Variants in HK1 observed in about 807,000 individuals in gnomAD.
HK1 encodes the protein hexokinase-1.
Under a neutral mutation model 91.6 loss-of-function variants are expected in HK1, and 28 were observed. The ratio of observed to expected loss-of-function variants is 0.31; its 90% CI spans 0.23 to 0.42. HK1 has a LOEUF of 0.42. Among genes scored for constraint, HK1 ranks in the 10% least tolerant of loss-of-function variants. The probability of loss-of-function intolerance (pLI) is 1.00; values close to 1 mark genes in which losing one functional copy is unlikely to be tolerated. For missense variants in HK1, 770 were observed against 1,219.8 expected (o/e 0.63, Z 5.49); for synonymous variants, 430 against 468.1 (o/e 0.92, Z 1.05).
chr10:69,355,538 C>T (rs904856452), intron 2 of HK1, among the ~76,000 whole-genome samples: 4 of 152,110 alleles, frequency 2.6e-5, no homozygotes, highest in African/African-American at 9.7e-5. Context: ...GCCTGTAATC[C>T]TAGCACTTTG....
Position 69,319,190 on chromosome 10 carries a change from G to C in HK1, c.63+180G>C, listed in dbSNP as rs1038016951. The C allele has an allele frequency of 2.9e-5, 22 of 745,810 alleles. 1 individual carries two copies. Among genetic ancestry groups the C allele is most frequent in the African/African-American group, 2.5e-4 (14 of 56,824 alleles). 46.2% of individuals were successfully genotyped at this position (745,810 alleles called of 1,614,324 possible). On this transcript the variant is annotated intron_variant, in intron 1 of 17. Coordinates refer to ENST00000359426, the MANE Select transcript of HK1 (RefSeq NM_000188.3). ...TTCTACCGGCATTGTCAGTGTCTCT[G>C]TGTGTGTGCGTTTTTGGGAGGGGGG... is the stretch of plus-strand genomic sequence containing the variant.
chr10:69,369,326 C>T lies in HK1; in HGVS notation c.681C>T (p.Gly227=). ...CGYDDQHCEV[G]LIIGTGTNAC... Reference sequence around the variant, plus strand: ...ATGACGACCAGCACTGTGAAGTCGGCCTGATCATCGGTAATGCATTCCCCT... The same window carrying T: ...ATGACGACCAGCACTGTGAAGTCGGTCTGATCATCGGTAATGCATTCCCCT... The change falls in exon 6 of 18, where the codon GGC becomes GGT. Residue 227 remains glycine, a synonymous_variant. Transcript: ENST00000359426. This position sits in a 1 kb window ranked among gnomAD's most constrained non-coding sequence, Gnocchi z 4.4. 1 of 1,614,072 alleles carries T rather than the reference C, an allele frequency of 6.2e-7. No individual in the cohort carries two copies. Among genetic ancestry groups the T allele is most frequent in the Non-Finnish European group, 8.5e-7 (1 of 1,179,912 alleles).
rs551445568 is a variant in HK1 at position 69,399,021 on chromosome 10, G to C, written c.2609+193G>C. Among the ~76,000 whole-genome samples, 2 of 152,298 alleles carry C rather than the reference G, an allele frequency of 1.3e-5. 1 individual carries two copies. The highest frequency in any genetic ancestry group is 4.8e-5 in the African/African-American group (2 of 41,554). Reference sequence around the variant, plus strand: ...TGTAGGGTTTGACTGGGATCCTTAGGGAGACAGAGAAGTGGCTTCACTTGG... The same window carrying C: ...TGTAGGGTTTGACTGGGATCCTTAGCGAGACAGAGAAGTGGCTTCACTTGG... On this transcript the variant is annotated intron_variant, in intron 17 of 17. Transcript: ENST00000359426.
At chr10:69,338,701 G>A in intron 1 of HK1, 1 of 1,172,000 alleles carries the variant, frequency 8.5e-7, no homozygotes, top group South Asian at 1.4e-5. Flanking sequence ...GTGTGTGTGT[G>A]TGTGTGTGTA....
At chr10:69,382,431 G>T in intron 9 of HK1, 56 bp from the exon 10 acceptor site, 2 of 1,555,292 alleles carry the variant, frequency 1.3e-6, no homozygotes, top group Non-Finnish European at 1.8e-6. Context: ...GTGGCCGGAG[G>T]TCCCCAATAA....
intron 1 of HK1, among the ~76,000 whole-genome samples, chr10:69,276,395 A>G (rs1844475852): frequency 6.6e-6 from 1 of 151,954 alleles, no homozygotes; most frequent in Non-Finnish European, 1.5e-5. Context: ...ACAGTGGTTC[A>G]TGCCTGTAAT....
chr10:69,282,919 C>T (rs1844818356), intron 2 of HK1, among the ~76,000 whole-genome samples: 1 of 150,578 alleles, frequency 6.6e-6, no homozygotes, highest in African/African-American at 2.4e-5. Context: ...GAGTTTGAGA[C>T]CAGCCTGGCC....
chr10:69,351,820 T>C (rs1848891014), intron 2 of HK1, among the ~76,000 whole-genome samples: 1 of 152,178 alleles, frequency 6.6e-6, no homozygotes, highest in Admixed American at 6.5e-5. Context: ...CAGTACTGAC[T>C]TCATAGGGTT....
chr10:69,362,528 G>C (rs1448357406), intron 3 of HK1, among the ~76,000 whole-genome samples: 1 of 152,018 alleles, frequency 6.6e-6, no homozygotes, highest in African/African-American at 2.4e-5. Context: ...TCTAGCCTGG[G>C]GCGGGTCACT....
At chr10:69,273,696 A>AT (rs931482922) in intron 1 of HK1, among the ~76,000 whole-genome samples, 8 of 152,166 alleles carry the variant, frequency 5.3e-5, no homozygotes, top group Non-Finnish European at 7.4e-5. Context: ...TCAGTGACAG[A>AT]TTTTTTTTCT....
At chr10:69,340,100 T>G (rs1848214802) in intron 1 of HK1, among the ~76,000 whole-genome samples, 1 of 152,236 alleles carries the variant, frequency 6.6e-6, no homozygotes, top group Non-Finnish European at 1.5e-5. Context: ...CAAAGGTCTA[T>G]TCAATATGTT....
intron 2 of HK1, among the ~76,000 whole-genome samples, chr10:69,349,748 G>T (rs541920919): frequency 2.6e-5 from 4 of 152,324 alleles, no homozygotes; most frequent in East Asian, 3.9e-4. Flanking sequence ...CGAGGTAAAA[G>T]GGACTGATAG....
At position 69,401,680 on chromosome 10, in the gene HK1, G is replaced by T. The variant is rs1840399472; in HGVS notation, c.*545G>T. The T allele has an allele frequency of 3.3e-6, 1 of 307,196 alleles. No homozygotes were observed. The allele number at this position is 307,196 out of a possible 1,614,324, so 19.0% of individuals were successfully genotyped here. On this transcript the variant is annotated 3_prime_UTR_variant, in exon 18 of 18. Transcript: ENST00000359426. Reference sequence around the variant, plus strand: ...CGTGGTGTGTCAATGCCACAAAATCGTGTGTCCGTGGAACCAGTCCTAGCC... The same window carrying T: ...CGTGGTGTGTCAATGCCACAAAATCTTGTGTCCGTGGAACCAGTCCTAGCC...
intron 3 of HK1, among the ~76,000 whole-genome samples, chr10:69,364,454 A>C (rs913003507): frequency 2.0e-5 from 3 of 152,020 alleles, no homozygotes; most frequent in African/African-American, 7.3e-5. Context: ...TGTGTTATGA[A>C]GGCATAGCTG....
intron 2 of HK1, among the ~76,000 whole-genome samples, chr10:69,283,290 TAA>T (rs541841675): frequency 1.2e-4 from 16 of 135,618 alleles, no homozygotes; most frequent in African/African-American, 3.0e-4. Flanking sequence ...CTACCAAAAT[TAA>T]AAAAAAAAAA....
intron 2 of HK1, among the ~76,000 whole-genome samples, chr10:69,284,895 C>T (rs763482574): frequency 1.8e-4 from 27 of 152,120 alleles, no homozygotes; most frequent in Non-Finnish European, 3.2e-4. Context: ...TGGCTCACTG[C>T]AAGCTCTGCC....
chr10:69,297,950 C>A (rs1480247044), intron 4 of HK1, among the ~76,000 whole-genome samples: 1 of 150,690 alleles, frequency 6.6e-6, no homozygotes, highest in Non-Finnish European at 1.5e-5. Flanking sequence ...GTGGCTCACG[C>A]CTGTAATCCC....
rs573278989 is a variant in HK1 at position 69,325,302 on chromosome 10, C to T, written c.63+6292C>T. On this transcript the variant is annotated intron_variant, in intron 1 of 17. Transcript: ENST00000359426. ...TCCTGATCTTGTGATCCGCCTGCCT[C>T]GACCTCCCAAAGTGCTGGGATTACA... Among the ~76,000 whole-genome samples, 14 of 151,554 alleles carry T rather than the reference C, an allele frequency of 9.2e-5. No individual in the cohort carries two copies. The South Asian group carries it at 1.5e-3, about 16-fold the overall frequency.
intron 1 of HK1, among the ~76,000 whole-genome samples, chr10:69,332,142 T>C (rs1291922817): frequency 1.3e-5 from 2 of 152,126 alleles, no homozygotes; most frequent in Non-Finnish European, 2.9e-5. Context: ...ATGTGGCTCA[T>C]ATTATCTTCC....
Sources: gnomAD v4.1 joint callset for allele counts (sites outside exome capture counted in the v4.1 genomes callset) on GRCh38, gnomAD v4.1.1 for gene constraint, Gnocchi (gnomAD v3.1) non-coding constraint, MANE v1.5 for transcripts, NCBI Gene and HGNC (gene_info 2026-07-23, HGNC 2026-07-21) for gene names.